Variants in CDH13 observed in about 807,000 individuals in gnomAD.
The protein encoded by CDH13 is cadherin 13, also known as cadherin-13.
Under a neutral mutation model 63.8 loss-of-function variants are expected in CDH13, and 24 were observed. That is an observed-to-expected ratio of 0.38 (90% confidence interval 0.27 to 0.53). The LOEUF (loss-of-function observed/expected upper bound fraction) is 0.53, where lower values mean the gene tolerates loss of function less well. Ranked by LOEUF, CDH13 falls within the 20% of genes least tolerant of loss-of-function variation. CDH13 has a pLI of 0.85. For synonymous variants in CDH13, 503 were observed against 355.3 expected, an observed-to-expected ratio of 1.42 and a Z score of -4.67; for missense variants, 1,049 against 903.1, an observed-to-expected ratio of 1.16 and a Z score of -2.07.
intron 8 of CDH13, among the ~76,000 whole-genome samples, chr16:83,643,896 T>C (rs1911546109): frequency 6.6e-6 from 1 of 152,220 alleles, no homozygotes; most frequent in Non-Finnish European, 1.5e-5. Context: ...ACGCTTTACG[T>C]ACTACCCAGC....
At position 83,233,926 on chromosome 16, in the gene CDH13, G is replaced by T. The variant is rs529117075; in HGVS notation, c.636+16429G>T. On this transcript the variant is annotated intron_variant, in intron 5 of 13. Transcript: ENST00000567109. ...GATGAGGTAATGGAGAGACAGAGTG[G>T]GTTAGGAACTTGTTCAAGGTCACAC... Among the ~76,000 whole-genome samples the T allele has an allele frequency of 2.6e-5, 4 of 152,222 alleles. No individual in the cohort carries two copies. The South Asian group carries it at 8.3e-4, about 32-fold the overall frequency.
chr16:83,261,461 G>A (rs987915026), intron 5 of CDH13, among the ~76,000 whole-genome samples: 1 of 152,124 alleles, frequency 6.6e-6, no homozygotes, highest in African/African-American at 2.4e-5. Context: ...ACATATTTCT[G>A]CAAAAATACT....
At chr16:83,702,051 A>G (rs1005377672) in intron 10 of CDH13, among the ~76,000 whole-genome samples, 1 of 152,234 alleles carries the variant, frequency 6.6e-6, no homozygotes, top group African/African-American at 2.4e-5. Flanking sequence ...TGTCTGGAAC[A>G]TAGAAAGAAC....
At chr16:82,798,834 T>A (rs929988603) in intron 1 of CDH13, among the ~76,000 whole-genome samples, 9 of 152,080 alleles carry the variant, frequency 5.9e-5, no homozygotes, top group Admixed American at 2.6e-4. Context: ...AGGTTCTGGG[T>A]TCTGTGTTGA....
intron 11 of CDH13, among the ~76,000 whole-genome samples, chr16:83,759,168 A>T (rs895823053): frequency 2.0e-5 from 3 of 152,220 alleles, no homozygotes; most frequent in Admixed American, 2.0e-4. Context: ...AGTAATTGAA[A>T]CCATGGTATT....
At chr16:83,683,125 A>G (rs1302689212) in intron 10 of CDH13, among the ~76,000 whole-genome samples, 5 of 152,242 alleles carry the variant, frequency 3.3e-5, no homozygotes, top group African/African-American at 1.2e-4. Flanking sequence ...ACCTGTGACT[A>G]CAAAGACAAG....
At chr16:83,215,712 A>C (rs1329406344) in intron 4 of CDH13, among the ~76,000 whole-genome samples, 1 of 152,044 alleles carries the variant, frequency 6.6e-6, no homozygotes, top group Non-Finnish European at 1.5e-5. Flanking sequence ...TGTCTTAGCC[A>C]CCTAAACCCT....
intron 1 of CDH13, among the ~76,000 whole-genome samples, chr16:82,838,133 C>G (rs1020560816): frequency 2.0e-5 from 3 of 152,174 alleles, no homozygotes; most frequent in African/African-American, 7.2e-5. Context: ...AAAGCTCTTC[C>G]CCTGAGTTCT....
intron 5 of CDH13, among the ~76,000 whole-genome samples, chr16:83,325,562 C>T (rs1406491788): frequency 6.6e-6 from 1 of 152,194 alleles, no homozygotes; most frequent in Non-Finnish European, 1.5e-5. Context: ...ACAGTAGATA[C>T]ATGAATGAGC....
At chr16:83,066,130 A>G (rs190788474) in intron 3 of CDH13, among the ~76,000 whole-genome samples, 1 of 152,346 alleles carries the variant, frequency 6.6e-6, no homozygotes, top group East Asian at 1.9e-4. Context: ...GATTCTTCTA[A>G]AACTAGATAT....
At chr16:82,785,185 A>G (rs2035946592) in intron 1 of CDH13, among the ~76,000 whole-genome samples, 1 of 151,940 alleles carries the variant, frequency 6.6e-6, no homozygotes, top group South Asian at 2.1e-4. Flanking sequence ...CATAAGATAG[A>G]TTGTTGAAAT....
At chr16:83,552,403 G>C (rs897125464) in intron 7 of CDH13, among the ~76,000 whole-genome samples, 3 of 152,206 alleles carry the variant, frequency 2.0e-5, no homozygotes, top group African/African-American at 7.2e-5. Flanking sequence ...GTCAGTTCCA[G>C]TGGAGGATGC....
At chr16:82,704,820 C>T (rs926072088) in intron 1 of CDH13, among the ~76,000 whole-genome samples, 4 of 152,202 alleles carry the variant, frequency 2.6e-5, no homozygotes, top group Non-Finnish European at 5.9e-5. Flanking sequence ...ATAATATTTA[C>T]ATCGTGGATT....
At chr16:83,554,851 C>T (rs1472609915) in intron 7 of CDH13, among the ~76,000 whole-genome samples, 1 of 152,026 alleles carries the variant, frequency 6.6e-6, no homozygotes, top group Non-Finnish European at 1.5e-5. Context: ...TCTTTCTTTA[C>T]CTCCCTGCAC....
chr16:82,645,439 T>G (rs1485998153), intron 1 of CDH13, among the ~76,000 whole-genome samples: 1 of 152,148 alleles, frequency 6.6e-6, no homozygotes, highest in Non-Finnish European at 1.5e-5. Flanking sequence ...GTTGTGACCC[T>G]CGGGACAGTT....
chr16:83,168,667 G>A (rs927942170), intron 4 of CDH13, among the ~76,000 whole-genome samples: 5 of 151,860 alleles, frequency 3.3e-5, no homozygotes, highest in African/African-American at 1.2e-4. Context: ...ACATATTGGT[G>A]CTTTTACTTC....
At chr16:82,847,895 CTT>C (rs33934390) in intron 1 of CDH13, among the ~76,000 whole-genome samples, 1 of 140,100 alleles carries the variant, frequency 7.1e-6, no homozygotes. Context: ...TTGTGCTTCA[CTT>C]TTTTTTTTTT....
intron 3 of CDH13, among the ~76,000 whole-genome samples, chr16:83,057,544 C>G (rs959640049): frequency 6.6e-6 from 1 of 151,196 alleles, no homozygotes; most frequent in Non-Finnish European, 1.5e-5. Flanking sequence ...ATGACTCCCG[C>G]TTTTATTGAG....
intron 4 of CDH13, among the ~76,000 whole-genome samples, chr16:83,191,256 G>T (rs1188917927): frequency 6.9e-6 from 1 of 145,590 alleles, no homozygotes; most frequent in Non-Finnish European, 1.5e-5. Context: ...GAATAAGCCT[G>T]TAACAAATCA....
Sources: allele counts gnomAD v4.1 joint callset (sites outside exome capture counted in the v4.1 genomes callset), GRCh38; gene constraint gnomAD v4.1.1; transcripts MANE v1.5; gene names NCBI Gene and HGNC (gene_info 2026-07-23, HGNC 2026-07-21).